ATRX: variants seen among roughly 807,000 people sequenced by gnomAD.
ATRX encodes the protein chromatin remodeler ATRX.
ATRX carries 12 observed loss-of-function variants against 172.6 expected under a neutral mutation model. That is an observed-to-expected ratio of 0.07 (90% CI 0.04 to 0.11). ATRX has a LOEUF of 0.11. Ranked by LOEUF, ATRX falls within the 10% of genes least tolerant of loss-of-function variation. ATRX has a pLI of 1.00. For synonymous variants in ATRX, 674 were observed against 594.7 expected, an observed-to-expected ratio of 1.13 and a Z score of -1.94; for missense variants, 1,368 against 1,767.4, an observed-to-expected ratio of 0.77 and a Z score of 4.05.
At chrX:77,717,895 A>C (rs998161511) in intron 1 of ATRX, among the ~76,000 whole-genome samples, 10 of 111,520 alleles carry the variant, frequency 9.0e-5, no homozygotes, top group African/African-American at 3.3e-4. Flanking sequence ...TCAAAAGAAA[A>C]TTTGGGGGAT....
chrX:77,746,311 G>A (rs2075073342), intron 1 of ATRX, among the ~76,000 whole-genome samples: 1 of 110,327 alleles, frequency 9.1e-6, no homozygotes, highest in South Asian at 3.8e-4. Flanking sequence ...AATAAAAAAA[G>A]ATCATCAACA....
chrX:77,628,563 ACCTC>A (rs1557104290), intron 19 of ATRX, among the ~76,000 whole-genome samples: 87 of 112,394 alleles, frequency 7.7e-4, no homozygotes, highest in South Asian at 1.5e-3. Context: ...GTCCAAGTAA[ACCTC>A]TATTAAATCC....
chrX:77,639,346 T>C (rs1207369252), intron 15 of ATRX, among the ~76,000 whole-genome samples: 1 of 112,074 alleles, frequency 8.9e-6, no homozygotes, highest in Non-Finnish European at 1.9e-5. Context: ...GAGAGAGAAC[T>C]CTAGTAGCTA....
At chrX:77,582,406 A>C (rs1557074523) in intron 27 of ATRX, among the ~76,000 whole-genome samples, 1 of 110,910 alleles carries the variant, frequency 9.0e-6, no homozygotes, top group Non-Finnish European at 1.9e-5. Flanking sequence ...TCTCAAAAAA[A>C]AAGAAAAAAA....
chrX:77,515,468 C>G (rs1194501504), intron 34 of ATRX, among the ~76,000 whole-genome samples: 5 of 110,782 alleles, frequency 4.5e-5, no homozygotes, highest in Non-Finnish European at 7.6e-5. Flanking sequence ...CTAAATGTGC[C>G]TTTCTTCCTG....
intron 1 of ATRX, among the ~76,000 whole-genome samples, chrX:77,772,778 C>T (rs927720802): frequency 1.8e-5 from 2 of 110,214 alleles, no homozygotes; most frequent in African/African-American, 3.3e-5. Context: ...TGAGTCACCA[C>T]ACCCAGCCAA....
intron 1 of ATRX, among the ~76,000 whole-genome samples, chrX:77,767,418 CAG>C (rs1156327987): frequency 1.8e-5 from 2 of 110,068 alleles, no homozygotes; most frequent in African/African-American, 3.3e-5. Flanking sequence ...CTTTTTGAGA[CAG>C]AGTCTCGCTC....
intron 10 of ATRX, among the ~76,000 whole-genome samples, chrX:77,670,280 G>T (rs1328604019): frequency 8.9e-6 from 1 of 111,771 alleles, no homozygotes; most frequent in Non-Finnish European, 1.9e-5. Context: ...AAGATAATGG[G>T]TTTAAATGCA....
chrX:77,746,739 G>C (rs1171111280), intron 1 of ATRX, among the ~76,000 whole-genome samples: 2 of 111,905 alleles, frequency 1.8e-5, no homozygotes, highest in Non-Finnish European at 3.8e-5. Flanking sequence ...TCATAATCTG[G>C]GATTAATAAC....
At chrX:77,572,392 T>A (rs1466618281) in intron 28 of ATRX, among the ~76,000 whole-genome samples, 2 of 111,411 alleles carry the variant, frequency 1.8e-5, no homozygotes, top group Non-Finnish European at 3.8e-5. Context: ...TATCTGAAAT[T>A]CTTCGGGTCC....
intron 21 of ATRX, 114 bp downstream of exon 21, chrX:77,618,692 A>T (rs1303370701): frequency 2.7e-6 from 2 of 742,253 alleles, no homozygotes; most frequent in Non-Finnish European, 4.1e-6. Context: ...AAAACTATCT[A>T]CTGAAAGAGC....
In ATRX at chrX:77,664,731, G is replaced by A. The variant is rs2148497915; in HGVS notation, c.3857C>T (p.Ser1286Phe). The A allele has an allele frequency of 8.3e-7, 1 of 1,208,271 alleles. No individual in the cohort carries two copies. Among genetic ancestry groups the A allele is most frequent in the Non-Finnish European group, 1.1e-6 (1 of 893,275 alleles). Residue 1286 changes from serine (S) to phenylalanine (F), a missense_variant, in exon 11 of 35, where the codon TCT (serine) becomes TTT (phenylalanine). By Grantham distance (155) the Ser-to-Phe change is radical (BLOSUM62 -2). Coordinates refer to ENST00000373344, the MANE Select transcript of ATRX (RefSeq NM_000489.6). ...ATCATCTGAAGATCCATCCTCATCA[G>A]AGGAAAGATTGGCTTTAATTTCTTC... is the stretch of plus-strand genomic sequence containing the variant. ...LLEEIKANLS[S>F]DEDGSSDDEP...
chrX:77,526,596 C>A (rs1296196222), intron 30 of ATRX, among the ~76,000 whole-genome samples: 2 of 112,331 alleles, frequency 1.8e-5, no homozygotes, highest in Non-Finnish European at 3.8e-5. Flanking sequence ...AGCCACTGAA[C>A]CTAAAAGTAC....
intron 2 of ATRX, among the ~76,000 whole-genome samples, chrX:77,716,088 T>G (rs908420402): frequency 1.3e-4 from 13 of 98,437 alleles, no homozygotes; most frequent in African/African-American, 4.6e-4. Context: ...CTGGACAACA[T>G]AGCAAGACCA....
chrX:77,785,944 C>T, intron 1 of ATRX, 38 bp downstream of exon 1: 1 of 1,179,364 alleles, frequency 8.5e-7, no homozygotes, highest in Non-Finnish European at 1.1e-6. Flanking sequence ...TGCCTGGGCC[C>T]AGACCGCTGG....
rs782066582 is a variant in ATRX at position 77,661,373 on chromosome X, G to A, written c.4120+2009C>T. ...ATACAAAAAATTTAAAAATAAGGCC[G>A]GTACGGTGGCTCACGCCTATAATCC... On this transcript the variant is annotated intron_variant, in intron 12 of 34. Transcript: ENST00000373344. Among the ~76,000 whole-genome samples the A allele has an allele frequency of 1.1e-4, 12 of 110,240 alleles. No individual in the cohort carries two copies. In the East Asian group the frequency reaches 2.8e-3, roughly 26 times the overall value.
chrX:77,678,234 A>G (rs200487090), intron 9 of ATRX, among the ~76,000 whole-genome samples: 1 of 64,394 alleles, frequency 1.6e-5, no homozygotes, highest in South Asian at 6.8e-4. Context: ...AAAAAAAAAA[A>G]AGAGACAGAC....
chrX:77,648,809 AG>A (rs1486388407), intron 15 of ATRX, among the ~76,000 whole-genome samples: 2 of 111,612 alleles, frequency 1.8e-5, no homozygotes, highest in East Asian at 5.6e-4. Flanking sequence ...AAATTCCTTA[AG>A]TTTGAAATTT....
At chrX:77,523,634 C>G (rs192570869) in intron 30 of ATRX, among the ~76,000 whole-genome samples, 1 of 111,478 alleles carries the variant, frequency 9.0e-6, no homozygotes, top group East Asian at 2.8e-4. Flanking sequence ...TTTTTAATTA[C>G]CACTTTTCAG....
Sources: allele counts gnomAD v4.1 joint callset (sites outside exome capture counted in the v4.1 genomes callset), GRCh38; gene constraint gnomAD v4.1.1; transcripts MANE v1.5; gene names NCBI Gene and HGNC (gene_info 2026-07-23, HGNC 2026-07-21).